The following PBX1 variants were observed in gnomAD, a reference collection of about 807,000 sequenced individuals.
PBX1 encodes the protein PBX homeobox 1, also known as pre-B-cell leukemia transcription factor 1.
A neutral mutation model predicts 53.4 loss-of-function variants in PBX1; 6 were observed. The observed-to-expected ratio is 0.11, with a 90% CI of 0.06 to 0.22. PBX1 has a LOEUF of 0.22. Ranked by LOEUF, PBX1 falls within the 10% of genes least tolerant of loss-of-function variation. PBX1 has a pLI of 1.00. For synonymous variants in PBX1, 204 were observed against 212.3 expected (o/e 0.96, Z 0.34); for missense variants, 251 against 551.4 (o/e 0.46, Z 5.46).
chr1:164,863,747 C>T (rs11582152), intron 2 of PBX1, among the ~76,000 whole-genome samples: 63,782 of 151,904 alleles, frequency 0.42, 13,751 homozygotes, highest in Middle Eastern at 0.52. Flanking sequence ...GGGAATCTGG[C>T]GGATACCAGT....
At position 164,731,431 on chromosome 1, in the gene PBX1, C is replaced by T. The variant is rs183246220; in HGVS notation, c.266-61063C>T. 3.9e-3 allele frequency among the ~76,000 whole-genome samples: 597 copies of T among 152,170 alleles called. 4 individuals carry two copies. Among genetic ancestry groups the T allele is most frequent in the African/African-American group, 0.014 (572 of 41,526 alleles). ...GAGCGGGGGAAACATAAATAAAGCCCGGGCAAACCCAACCACCCTGCTGGA... is the reference window on the plus strand; with the variant it reads ...GAGCGGGGGAAACATAAATAAAGCCTGGGCAAACCCAACCACCCTGCTGGA... On this transcript the variant is annotated intron_variant, in intron 2 of 8. Coordinates refer to ENST00000420696, the MANE Select transcript of PBX1 (RefSeq NM_002585.4).
intron 5 of PBX1, among the ~76,000 whole-genome samples, chr1:164,810,466 C>T (rs370805082): frequency 6.6e-6 from 1 of 152,262 alleles, no homozygotes; most frequent in African/African-American, 2.4e-5. Flanking sequence ...CTCTTTACCC[C>T]CTTCAGCTCA....
At chr1:164,845,342 G>T (rs961380099) in intron 8 of PBX1, among the ~76,000 whole-genome samples, 3 of 138,700 alleles carry the variant, frequency 2.2e-5, no homozygotes, top group Non-Finnish European at 4.9e-5. Context: ...TACTCCAGGT[G>T]CCATGGAGTA....
chr1:164,643,516 G>A (rs897800469), intron 2 of PBX1, among the ~76,000 whole-genome samples: 2 of 152,088 alleles, frequency 1.3e-5, no homozygotes, highest in African/African-American at 4.8e-5. Flanking sequence ...ACATTTTTAA[G>A]TTCCAGAATG....
chr1:164,657,094 T>C (rs1453269591), intron 2 of PBX1: 1 of 152,196 alleles, frequency 6.6e-6, no homozygotes, highest in Non-Finnish European at 1.5e-5. Context: ...ATGGAGTGTA[T>C]TGGTACTGTT....
chr1:164,571,376 CT>C (rs1653841150), intron 2 of PBX1, among the ~76,000 whole-genome samples: 1 of 152,196 alleles, frequency 6.6e-6, no homozygotes, highest in African/African-American at 2.4e-5. Context: ...CTGGTAACCA[CT>C]AACCTACTTG....
chr1:164,694,131 G>A (rs1374982237), intron 2 of PBX1, among the ~76,000 whole-genome samples: 1 of 152,040 alleles, frequency 6.6e-6, no homozygotes, highest in African/African-American at 2.4e-5. Flanking sequence ...TGCCCCTGCA[G>A]ATTATGAAAT....
chr1:164,780,121 T>A (rs912824664), intron 2 of PBX1, among the ~76,000 whole-genome samples: 8 of 152,064 alleles, frequency 5.3e-5, no homozygotes, highest in African/African-American at 1.9e-4. Flanking sequence ...TGAGAGTTCT[T>A]AGTGGGGGGC....
chr1:164,594,922 A>G (rs1655655596), intron 2 of PBX1, among the ~76,000 whole-genome samples: 1 of 152,222 alleles, frequency 6.6e-6, no homozygotes, highest in Admixed American at 6.5e-5. Flanking sequence ...TGATTAACTA[A>G]TAAGTGGCAG....
intron 2 of PBX1, among the ~76,000 whole-genome samples, chr1:164,739,334 G>A (rs773432941): frequency 1.1e-4 from 16 of 152,184 alleles, no homozygotes; most frequent in Non-Finnish European, 2.2e-4. Context: ...ATACGTGGTT[G>A]TGGGTTTTAT....
chr1:164,745,566 G>A (rs1341984561), intron 2 of PBX1, among the ~76,000 whole-genome samples: 1 of 152,144 alleles, frequency 6.6e-6, no homozygotes, highest in Non-Finnish European at 1.5e-5. Flanking sequence ...TAATTGAGCT[G>A]CATCATCTAA....
At chr1:164,653,138 A>C (rs993123337) in intron 2 of PBX1, among the ~76,000 whole-genome samples, 1 of 152,102 alleles carries the variant, frequency 6.6e-6, no homozygotes, top group Non-Finnish European at 1.5e-5. Context: ...AAGTGCTGGC[A>C]TTAGAGGCGT....
At chr1:164,638,382 G>A (rs942900822) in intron 2 of PBX1, among the ~76,000 whole-genome samples, 8 of 152,222 alleles carry the variant, frequency 5.3e-5, no homozygotes, top group African/African-American at 1.9e-4. Flanking sequence ...AACTGCCTAG[G>A]GCTGAGCAGG....
rs553533314 is a variant in PBX1, at chr1:164,765,087, G to A, written c.266-27407G>A. On this transcript the variant is annotated intron_variant, in intron 2 of 8. Transcript: ENST00000420696. ...TTCCAGCTTAATTGCTTCTGTCAGC[G>A]GCCACATATATGGTTGTCAACAGTT... Among the ~76,000 whole-genome samples, 12 of 152,142 alleles carry A rather than the reference G, an allele frequency of 7.9e-5. No homozygotes were observed. In the South Asian group the frequency reaches 1.0e-3, roughly 13 times the overall value.
intron 2 of PBX1, among the ~76,000 whole-genome samples, chr1:164,663,309 CCTCT>C (rs150696368): frequency 2.7e-5 from 4 of 149,420 alleles, no homozygotes; most frequent in African/African-American, 7.3e-5. Context: ...TTCCTGCCTT[CCTCT>C]CTCTCTCTCT....
intron 2 of PBX1, among the ~76,000 whole-genome samples, chr1:164,699,744 C>A (rs995114328): frequency 6.6e-6 from 1 of 152,128 alleles, no homozygotes; most frequent in Non-Finnish European, 1.5e-5. Context: ...TTCTTCTTCT[C>A]GTTGCTCCCA....
intron 2 of PBX1, among the ~76,000 whole-genome samples, chr1:164,759,990 G>C (rs920147416): frequency 6.6e-6 from 1 of 152,148 alleles, no homozygotes; most frequent in Non-Finnish European, 1.5e-5. Flanking sequence ...AGAGGTAGTG[G>C]CCTCTTCAAA....
intron 2 of PBX1, among the ~76,000 whole-genome samples, chr1:164,699,195 CTCTA>C (rs778544048): frequency 9.9e-5 from 15 of 152,252 alleles, no homozygotes; most frequent in Middle Eastern, 3.4e-3. Context: ...CAAGATCCCT[CTCTA>C]TCTATCTACC....
intron 2 of PBX1, among the ~76,000 whole-genome samples, chr1:164,601,235 C>CAAAA (rs746798555): frequency 2.9e-5 from 1 of 34,014 alleles, no homozygotes; most frequent in Non-Finnish European, 6.0e-5. Context: ...GATTCTGTCT[C>CAAAA]AAAAAAAAAA....
Sources: allele counts gnomAD v4.1 joint callset (sites outside exome capture counted in the v4.1 genomes callset), GRCh38; gene constraint gnomAD v4.1.1; transcripts MANE v1.5; gene names NCBI Gene and HGNC (gene_info 2026-07-23, HGNC 2026-07-21).